The following NTM variants were observed in gnomAD, a reference collection of about 807,000 sequenced individuals.
NTM encodes IgLON family member 2.
Under a neutral mutation model 42.1 loss-of-function variants are expected in NTM, and 13 were observed. The ratio of observed to expected loss-of-function variants is 0.31; its 90% CI spans 0.20 to 0.49. The LOEUF is 0.49. Ranked by LOEUF, NTM falls within the 20% of genes least tolerant of loss-of-function variation. The pLI, the probability that NTM is intolerant of heterozygous loss-of-function variation, is 0.99. For synonymous variants in NTM, 187 were observed against 179.2 expected (o/e 1.04, Z -0.35); for missense variants, 373 against 452.8 (o/e 0.82, Z 1.60).
intron 1 of NTM, among the ~76,000 whole-genome samples, chr11:131,874,030 A>AATATAATATAATATAATATAT (rs1491528420): frequency 2.5e-4 from 19 of 76,602 alleles, no homozygotes; most frequent in African/African-American, 7.1e-4. Flanking sequence ...AATATAATAT[A>AATATAATATAATATAATATAT]ATATATATAT....
chr11:131,792,120 C>A (rs1247762387), intron 1 of NTM, among the ~76,000 whole-genome samples: 2 of 152,170 alleles, frequency 1.3e-5, no homozygotes, highest in Non-Finnish European at 1.5e-5. Context: ...AGAAATGATA[C>A]AATTTTAATA....
At chr11:131,440,846 A>G (rs1188111399) in intron 1 of NTM, among the ~76,000 whole-genome samples, 29 of 125,796 alleles carry the variant, frequency 2.3e-4, no homozygotes, top group African/African-American at 7.2e-4. Context: ...AAAAAAAAAA[A>G]AAAAAAAAAA....
intron 1 of NTM, among the ~76,000 whole-genome samples, chr11:131,703,394 C>T (rs2076263126): frequency 6.6e-6 from 1 of 152,062 alleles, no homozygotes; most frequent in African/African-American, 2.4e-5. Context: ...GAAGTAAATA[C>T]AAATAAATAT....
intron 4 of NTM, among the ~76,000 whole-genome samples, chr11:132,271,740 C>CT (rs56312772): frequency 0.012 from 1,545 of 131,860 alleles, 18 homozygotes; most frequent in Middle Eastern, 0.077. Flanking sequence ...ATTGGGTTGT[C>CT]TTTTTTTTTT....
chr11:132,280,664 T>G (rs1188379998), intron 4 of NTM, among the ~76,000 whole-genome samples: 1 of 151,966 alleles, frequency 6.6e-6, no homozygotes, highest in Non-Finnish European at 1.5e-5. Flanking sequence ...TTTTGTATTT[T>G]TAGTAGAGAC....
At chr11:131,444,584 G>T (rs1027099804) in intron 1 of NTM, among the ~76,000 whole-genome samples, 3 of 152,164 alleles carry the variant, frequency 2.0e-5, no homozygotes, top group Non-Finnish European at 4.4e-5. Flanking sequence ...AAGATTGGAT[G>T]GTGAAGAAGG....
chr11:131,669,635 G>T (rs924464573), intron 1 of NTM, among the ~76,000 whole-genome samples: 2 of 152,100 alleles, frequency 1.3e-5, no homozygotes, highest in Non-Finnish European at 2.9e-5. Context: ...CCGGCTCCAG[G>T]CTCAGGTGAG....
chr11:131,973,104 A>T (rs930519909), intron 2 of NTM, among the ~76,000 whole-genome samples: 10 of 152,246 alleles, frequency 6.6e-5, no homozygotes, highest in Admixed American at 2.6e-4. Flanking sequence ...CTTTCCCTAA[A>T]GAGTGTTCTC....
intron 1 of NTM, among the ~76,000 whole-genome samples, chr11:131,642,965 C>T (rs61351256): frequency 0.014 from 2,189 of 151,758 alleles, 40 homozygotes; most frequent in African/African-American, 0.05. Flanking sequence ...GCTGTGGCTC[C>T]GTTTCCCAGA....
chr11:131,428,159 C>T (rs987125197), intron 1 of NTM, among the ~76,000 whole-genome samples: 3 of 152,136 alleles, frequency 2.0e-5, no homozygotes, highest in Admixed American at 1.3e-4. Context: ...ATTCTCAAAC[C>T]TTCTCCTCCC....
rs145728863 is a variant in NTM at position 131,499,113 on chromosome 11, A to G, written c.82+128225A>G. ...TGACAGCTCTCGGAGCCTGGAAGAC[A>G]TTATGACCACTAAGCGGGTGTCCAT... On this transcript the variant is annotated intron_variant, in intron 1 of 8. Transcript: ENST00000683400. Among the ~76,000 whole-genome samples, 47 of 152,326 alleles carry G rather than the reference A, an allele frequency of 3.1e-4. No homozygotes were observed. In the South Asian group the frequency reaches 4.8e-3, roughly 15 times the overall value.
intron 4 of NTM, 40 bp from the exon 5 acceptor site, chr11:132,307,649 T>A (rs376310336): frequency 1.3e-4 from 216 of 1,609,926 alleles, no homozygotes; most frequent in Non-Finnish European, 1.8e-4. Context: ...TGGTCTTTTT[T>A]TTCCTTGTAT....
intron 1 of NTM, among the ~76,000 whole-genome samples, chr11:131,884,090 T>A (rs951996775): frequency 6.6e-6 from 1 of 152,200 alleles, no homozygotes; most frequent in African/African-American, 2.4e-5. Context: ...TAGATGCTAG[T>A]AGAGTCCCCA....
At chr11:131,398,833 T>C (rs1358367772) in intron 1 of NTM, among the ~76,000 whole-genome samples, 1 of 152,240 alleles carries the variant, frequency 6.6e-6, no homozygotes, top group Non-Finnish European at 1.5e-5. Flanking sequence ...TGAGGTCTTT[T>C]GTCTCTTGGT....
intron 2 of NTM, among the ~76,000 whole-genome samples, chr11:132,116,605 G>A (rs917920917): frequency 7.2e-5 from 11 of 152,270 alleles, no homozygotes; most frequent in African/African-American, 2.2e-4. Context: ...ATCATTCAGA[G>A]CAGGAGTGTT....
At chr11:132,073,404 G>T (rs2057960278) in intron 2 of NTM, among the ~76,000 whole-genome samples, 1 of 152,182 alleles carries the variant, frequency 6.6e-6, no homozygotes, top group African/African-American at 2.4e-5. Flanking sequence ...AATGTCCCCA[G>T]CAGTGCATGA....
In NTM at chr11:132,294,522, A is replaced by C. The variant is rs181339409; in HGVS notation, c.527-13167A>C. ...CCAAGATCCAGTAAAATGTTCCTTT[A>C]TTTTCCCTTGGAATTATCGGGAAGG... On this transcript the variant is annotated intron_variant, in intron 4 of 8. Transcript: ENST00000683400. 3.9e-4 allele frequency among the ~76,000 whole-genome samples: 59 copies of C among 152,182 alleles called. No individual in the cohort carries two copies. In the East Asian group the frequency reaches 0.01, roughly 26 times the overall value.
At chr11:131,924,686 A>G (rs1327550019) in intron 2 of NTM, among the ~76,000 whole-genome samples, 1 of 152,210 alleles carries the variant, frequency 6.6e-6, no homozygotes, top group Non-Finnish European at 1.5e-5. Flanking sequence ...AAATTCTTGA[A>G]TGACAGCACA....
intron 3 of NTM, among the ~76,000 whole-genome samples, chr11:132,189,395 G>A (rs2078941227): frequency 6.6e-6 from 1 of 152,140 alleles, no homozygotes; most frequent in Non-Finnish European, 1.5e-5. Context: ...CAGGAGCACA[G>A]ACCTATTTTT....
Sources: gnomAD v4.1 joint callset for allele counts (sites outside exome capture counted in the v4.1 genomes callset) on GRCh38, gnomAD v4.1.1 for gene constraint, MANE v1.5 for transcripts, NCBI Gene and HGNC (gene_info 2026-07-23, HGNC 2026-07-21) for gene names.